Variants in NRXN1 observed in about 807,000 individuals in gnomAD.
NRXN1 encodes the protein neurexin-1.
Under a neutral mutation model 150.9 loss-of-function variants are expected in NRXN1, and 39 were observed. The observed-to-expected ratio is 0.26, with a 90% CI of 0.20 to 0.34. The LOEUF (loss-of-function observed/expected upper bound fraction) is 0.34, where lower values mean the gene tolerates loss of function less well. NRXN1 is among the 10% of genes least tolerant of loss of function. The pLI is 1.00. For synonymous variants in NRXN1, 924 were observed against 757.0 expected, an observed-to-expected ratio of 1.22 and a Z score of -3.62; for missense variants, 1,815 against 1,949.9, an observed-to-expected ratio of 0.93 and a Z score of 1.30.
At chr2:50,791,329 A>AAT (rs1176984196) in intron 5 of NRXN1, among the ~76,000 whole-genome samples, 2 of 151,758 alleles carry the variant, frequency 1.3e-5, no homozygotes, top group African/African-American at 4.8e-5. Context: ...AAAAAAAAAA[A>AAT]AAAATCCTTA....
intron 15 of NRXN1, among the ~76,000 whole-genome samples, chr2:50,494,765 G>A (rs2091461767): frequency 2.0e-5 from 3 of 152,092 alleles, no homozygotes; most frequent in Admixed American, 1.3e-4. Context: ...GGGTGCAGTG[G>A]CTCACACCTG....
chr2:50,446,534 C>G (rs1391831503), intron 17 of NRXN1, among the ~76,000 whole-genome samples: 2 of 134,868 alleles, frequency 1.5e-5, no homozygotes, highest in Non-Finnish European at 3.2e-5. Context: ...CCCTTCCTTC[C>G]TTCCCTCCCT....
chr2:50,627,097 T>A (rs1366363172), intron 5 of NRXN1, among the ~76,000 whole-genome samples: 1 of 151,808 alleles, frequency 6.6e-6, no homozygotes, highest in Non-Finnish European at 1.5e-5. Flanking sequence ...AATTCCACAT[T>A]TTGCCAAGGC....
At chr2:50,955,665 T>C (rs1283784466) in intron 2 of NRXN1, among the ~76,000 whole-genome samples, 2 of 152,196 alleles carry the variant, frequency 1.3e-5, no homozygotes, top group Non-Finnish European at 2.9e-5. Flanking sequence ...GACAGTTAGA[T>C]AACAGCAAGT....
intron 5 of NRXN1, among the ~76,000 whole-genome samples, chr2:50,858,612 C>G (rs1675616221): frequency 6.6e-6 from 1 of 151,990 alleles, no homozygotes; most frequent in South Asian, 2.1e-4. Context: ...AGCAATGAAG[C>G]TATGCTTCTT....
At chr2:50,329,617 G>GTGTGTGTA (rs2076653840) in intron 17 of NRXN1, among the ~76,000 whole-genome samples, 1 of 13,982 alleles carries the variant, frequency 7.2e-5, no homozygotes, top group African/African-American at 1.9e-4. Flanking sequence ...GTGTGTGTGT[G>GTGTGTGTA]TATATATATA....
chr2:50,769,205 T>A (rs1185475491), intron 5 of NRXN1, among the ~76,000 whole-genome samples: 2 of 152,042 alleles, frequency 1.3e-5, no homozygotes, highest in Non-Finnish European at 2.9e-5. Context: ...CTATAGTTCA[T>A]ACAGTACCAA....
intron 5 of NRXN1, among the ~76,000 whole-genome samples, chr2:50,801,988 A>T (rs1256764675): frequency 6.6e-6 from 1 of 152,190 alleles, no homozygotes; most frequent in Non-Finnish European, 1.5e-5. Flanking sequence ...CCTACCTACC[A>T]TAAGAATGCT....
chr2:50,931,801 T>A (rs1196293267), intron 2 of NRXN1, among the ~76,000 whole-genome samples: 1 of 152,108 alleles, frequency 6.6e-6, no homozygotes, highest in Non-Finnish European at 1.5e-5. Context: ...AGGCCATTCT[T>A]AGCTAAATAA....
chr2:50,341,688 CTT>C lies in NRXN1; in HGVS notation c.3365-104720_3365-104719del, dbSNP rs1208657794. Among the ~76,000 whole-genome samples, 3 of 152,086 alleles carry C rather than the reference CTT, an allele frequency of 2.0e-5. No individual in the cohort carries two copies. In the East Asian group the frequency reaches 5.8e-4, roughly 29 times the overall value. On this transcript the variant is annotated intron_variant, in intron 17 of 22. Coordinates refer to ENST00000401669, the MANE Select transcript of NRXN1 (RefSeq NM_001330078.2). ...TCTTAACTACATTTACAAAACAAGA[CTT>C]ATATCTGTTCGAAAAGTAGAAATTG...
chr2:50,788,564 A>T (rs1026246225), intron 5 of NRXN1, among the ~76,000 whole-genome samples: 13 of 151,968 alleles, frequency 8.6e-5, no homozygotes, highest in African/African-American at 3.1e-4. Context: ...TAAGGTACCT[A>T]CTAGTGGCAA....
intron 5 of NRXN1, among the ~76,000 whole-genome samples, chr2:50,802,004 T>C (rs893936086): frequency 3.0e-4 from 46 of 152,196 alleles, no homozygotes; most frequent in African/African-American, 8.7e-4. Context: ...ATGCTAAAAA[T>C]TGTCCTCTTT....
chr2:50,445,373 C>T (rs2086309550), intron 17 of NRXN1, among the ~76,000 whole-genome samples: 1 of 152,162 alleles, frequency 6.6e-6, no homozygotes, highest in Admixed American at 6.6e-5. Context: ...TGTAGATAGT[C>T]AATAGCTTTT....
intron 22 of NRXN1, among the ~76,000 whole-genome samples, chr2:49,942,614 T>TATTATTATTA (rs112672714): frequency 0.11 from 16,132 of 148,250 alleles, 1,020 homozygotes; most frequent in Admixed American, 0.16. Flanking sequence ...TTATTATTAT[T>TATTATTATTA]TTATTATTAT....
chr2:50,754,188 A>C (rs1700929096), intron 5 of NRXN1, among the ~76,000 whole-genome samples: 1 of 151,952 alleles, frequency 6.6e-6, no homozygotes, highest in African/African-American at 2.4e-5. Context: ...TTAGTAGTTT[A>C]GTAATCAAAC....
chr2:50,815,729 T>A (rs1668836562), intron 5 of NRXN1, among the ~76,000 whole-genome samples: 1 of 152,174 alleles, frequency 6.6e-6, no homozygotes, highest in Non-Finnish European at 1.5e-5. Context: ...CCATGAAACA[T>A]ATCCTCATAA....
At chr2:50,436,192 G>A (rs1030176143) in intron 17 of NRXN1, among the ~76,000 whole-genome samples, 5 of 152,070 alleles carry the variant, frequency 3.3e-5, no homozygotes, top group Non-Finnish European at 5.9e-5. Flanking sequence ...GGTAGCTCAC[G>A]CCTGTAATCC....
intron 18 of NRXN1, among the ~76,000 whole-genome samples, chr2:50,169,205 C>T (rs1176806918): frequency 6.6e-6 from 1 of 152,230 alleles, no homozygotes; most frequent in East Asian, 1.9e-4. Context: ...TTGCTGAAAG[C>T]CGTACAGAAA....
At chr2:50,739,790 G>A (rs1699211682) in intron 5 of NRXN1, among the ~76,000 whole-genome samples, 2 of 152,110 alleles carry the variant, frequency 1.3e-5, no homozygotes, top group South Asian at 2.1e-4. Context: ...ATGAAGATAG[G>A]CTAAAGTCTT....
Sources: allele counts gnomAD v4.1 joint callset (sites outside exome capture counted in the v4.1 genomes callset), GRCh38; gene constraint gnomAD v4.1.1; transcripts MANE v1.5; gene names NCBI Gene and HGNC (gene_info 2026-07-23, HGNC 2026-07-21).